The following RBM39 variants were observed in gnomAD, a reference collection of about 807,000 sequenced individuals.
The protein encoded by RBM39 is RNA binding motif protein 39, also known as RNA-binding protein 39.
Under a neutral mutation model 79.6 loss-of-function variants are expected in RBM39, and 12 were observed. The observed-to-expected ratio is 0.15, with a 90% CI of 0.10 to 0.24. RBM39 has a LOEUF of 0.24. RBM39 is among the 10% of genes least tolerant of loss of function. RBM39 has a pLI of 1.00. For synonymous variants in RBM39, 185 were observed against 208.4 expected (o/e 0.89, Z 0.97); for missense variants, 243 against 653.4 (o/e 0.37, Z 6.85).
intron 3 of RBM39, chr20:35,735,120 C>T: frequency 6.8e-7 from 1 of 1,473,038 alleles, no homozygotes; most frequent in East Asian, 2.4e-5. Context: ...TCATTTATTC[C>T]AAAATTTATA....
rs2035316236 is a variant in RBM39 at position 35,702,208 on chromosome 20, TA to T, written c.*2272del. On this transcript the variant is annotated 3_prime_UTR_variant, in exon 17 of 17. Transcript: ENST00000253363. The stretch of plus-strand genomic sequence containing the variant: ...AAGATGGTAGTAATTATTATAAAGA[TA>T]AAAGAAAACTAGATGAACACTTTGG... 6.6e-6 allele frequency: 1 copy of T among 152,136 alleles called. No homozygotes were observed. The highest frequency in any genetic ancestry group is 1.5e-5 in the Non-Finnish European group (1 of 68,032). The allele number at this position is 152,136 out of a possible 1,614,324, so 9.4% of individuals were successfully genotyped here.
chr20:35,717,006 G>A (rs998805429), intron 9 of RBM39, among the ~76,000 whole-genome samples: 3 of 151,974 alleles, frequency 2.0e-5, no homozygotes, highest in East Asian at 1.9e-4. Context: ...TAGGCTGGGC[G>A]TGGTGGTCGG....
intron 8 of RBM39, among the ~76,000 whole-genome samples, chr20:35,722,215 G>A (rs1051222682): frequency 1.3e-5 from 2 of 151,846 alleles, no homozygotes; most frequent in Non-Finnish European, 2.9e-5. Context: ...AGACCATACT[G>A]GCTAACACAG....
rs370576736 is a variant in RBM39, at chr20:35,704,295, T to C, written c.*186A>G. 6.1e-6 allele frequency: 3 copies of C among 490,574 alleles called. No individual in the cohort carries two copies. The highest frequency in any genetic ancestry group is 1.1e-5 in the Non-Finnish European group (3 of 275,958). The allele number at this position is 490,574 out of a possible 1,614,324, so 30.4% of individuals were successfully genotyped here. Reference sequence around the variant, plus strand: ...GAGAACAGTTTTGTATACAGTGGGATTTACTATTTAGGGAGAATGAGCACA... The same window carrying C: ...GAGAACAGTTTTGTATACAGTGGGACTTACTATTTAGGGAGAATGAGCACA... On this transcript the variant is annotated 3_prime_UTR_variant, in exon 17 of 17. Transcript: ENST00000253363.
intron 6 of RBM39, among the ~76,000 whole-genome samples, chr20:35,728,182 T>C (rs1002875875): frequency 5.3e-5 from 8 of 152,220 alleles, no homozygotes; most frequent in African/African-American, 1.4e-4. Flanking sequence ...TGAGATGAAA[T>C]AGTTTTCCTC....
chr20:35,724,994 T>C (rs1274864144), intron 7 of RBM39, 44 bp downstream of exon 7: 1 of 1,334,890 alleles, frequency 7.5e-7, no homozygotes, highest in Admixed American at 2.0e-5. Context: ...TGTTTTCTCT[T>C]GCAATTTCTA....
At chr20:35,708,042 CACTT>C (rs774723948) in intron 13 of RBM39, 167 of 342,588 alleles carry the variant, frequency 4.9e-4, no homozygotes, top group Non-Finnish European at 8.6e-4. Flanking sequence ...AATAAACGAT[CACTT>C]AAAGTATCAG....
intron 15 of RBM39, 96 bp from the exon 16 acceptor site, chr20:35,704,842 TA>T (rs1385662546): frequency 1.0e-6 from 1 of 991,032 alleles, no homozygotes; most frequent in African/African-American, 1.6e-5. Context: ...CTTAGTGCTC[TA>T]TAACCACAAA....
rs1333477961 is a variant in RBM39 at position 35,702,797 on chromosome 20, C to A, written c.*1684G>T. The A allele has an allele frequency of 6.6e-6, 1 of 152,066 alleles. No homozygotes were observed. Among genetic ancestry groups the A allele is most frequent in the Admixed American group, 6.6e-5 (1 of 15,232 alleles). The allele number at this position is 152,066 out of a possible 1,614,324, so 9.4% of individuals were successfully genotyped here. On this transcript the variant is annotated 3_prime_UTR_variant, in exon 17 of 17. Coordinates refer to ENST00000253363, the MANE Select transcript of RBM39 (RefSeq NM_184234.3). ...AATTAGCTGGGCACGGTGGTGCGCACCTGTCCCAGCTCTTCAGGAGACTGA... is the reference window on the plus strand; with the variant it reads ...AATTAGCTGGGCACGGTGGTGCGCAACTGTCCCAGCTCTTCAGGAGACTGA...
intron 12 of RBM39, among the ~76,000 whole-genome samples, chr20:35,709,948 G>A (rs1221416164): frequency 2.6e-5 from 4 of 152,030 alleles, no homozygotes; most frequent in African/African-American, 9.7e-5. Context: ...ATGAAGTTTA[G>A]GAAAATGAAA....
At chr20:35,728,042 C>T (rs1040571136) in intron 6 of RBM39, among the ~76,000 whole-genome samples, 1 of 152,194 alleles carries the variant, frequency 6.6e-6, no homozygotes, top group African/African-American at 2.4e-5. Flanking sequence ...CCACCTCAGT[C>T]TCCCAAAGTG....
At chr20:35,728,021 T>G (rs2425108) in intron 6 of RBM39, among the ~76,000 whole-genome samples, 7 of 151,994 alleles carry the variant, frequency 4.6e-5, no homozygotes, top group Non-Finnish European at 1.0e-4. Context: ...CTCTTGACCT[T>G]GTGGATCCAC....
chr20:35,710,860 C>T (rs949903806), intron 12 of RBM39, among the ~76,000 whole-genome samples: 2 of 152,056 alleles, frequency 1.3e-5, no homozygotes, highest in African/African-American at 4.8e-5. Context: ...TCTACCACCA[C>T]CAGCACTAAA....
chr20:35,741,030 C>CTTTTTTTTTTTTTTGTTTTTTTT (rs2040452685), intron 1 of RBM39, 143 bp from the exon 2 acceptor site: 1 of 118,628 alleles, frequency 8.4e-6, no homozygotes, highest in Non-Finnish European at 1.5e-5. Flanking sequence ...AAACATTTTT[C>CTTTTTTTTTTTTTTGTTTTTTTT]TTTTTTTTTT....
At chr20:35,738,445 A>C (rs1387587680) in intron 3 of RBM39, among the ~76,000 whole-genome samples, 2 of 152,118 alleles carry the variant, frequency 1.3e-5, no homozygotes, top group East Asian at 3.8e-4. Context: ...CTAGAGTTTA[A>C]AAGGCCTAAG....
rs373544109 is a variant in RBM39 at position 35,732,141 on chromosome 20, A to G, written c.102-6T>C. On this transcript the variant is annotated splice_region_variant and splice_polypyrimidine_tract_variant and intron_variant, in intron 3 of 16. Transcript: ENST00000253363. ...TGCTCTTGCTTTTTTTCCTCCTGAGAAGAAAAAAACTCGCCATTATCATGC... is the reference window on the plus strand; with the variant it reads ...TGCTCTTGCTTTTTTTCCTCCTGAGGAGAAAAAAACTCGCCATTATCATGC... 31 of 1,613,650 alleles carry G rather than the reference A, an allele frequency of 1.9e-5. No homozygotes were observed. In the African/African-American group the frequency reaches 4.0e-4, roughly 21 times the overall value.
At chr20:35,721,533 A>G (rs2037939760) in intron 9 of RBM39, among the ~76,000 whole-genome samples, 1 of 152,222 alleles carries the variant, frequency 6.6e-6, no homozygotes, top group South Asian at 2.1e-4. Context: ...TGCATTTCAC[A>G]TGGCATTATG....
chr20:35,732,278 C>T lies in RBM39; in HGVS notation c.102-143G>A, dbSNP rs547291621. ...TATGATACAATGGTACATAATCATA[C>T]TTAAAAAAAAAAAAAAATCCTGTAA... On this transcript the variant is annotated intron_variant, in intron 3 of 16. Coordinates refer to ENST00000253363, the MANE Select transcript of RBM39 (RefSeq NM_184234.3). The T allele has an allele frequency of 4.1e-5, 23 of 567,406 alleles. No individual in the cohort carries two copies. In the African/African-American group the frequency reaches 1.3e-3, roughly 31 times the overall value. 35.1% of individuals were successfully genotyped at this position (567,406 alleles called of 1,614,324 possible).
At chr20:35,709,955 G>A (rs2036193399) in intron 12 of RBM39, among the ~76,000 whole-genome samples, 1 of 152,226 alleles carries the variant, frequency 6.6e-6, no homozygotes, top group South Asian at 2.1e-4. Context: ...TTAGGAAAAT[G>A]AAAACATCTA....
Sources: gnomAD v4.1 joint callset for allele counts (sites outside exome capture counted in the v4.1 genomes callset) on GRCh38, gnomAD v4.1.1 for gene constraint, MANE v1.5 for transcripts, NCBI Gene and HGNC (gene_info 2026-07-23, HGNC 2026-07-21) for gene names.